The following CNTNAP5 variants were observed in gnomAD, a reference collection of about 807,000 sequenced individuals.
The protein encoded by CNTNAP5 is contactin-associated protein-like 5.
A neutral mutation model predicts 150.2 loss-of-function variants in CNTNAP5; 72 were observed. The observed-to-expected ratio is 0.48, with a 90% CI of 0.40 to 0.58. The LOEUF is 0.58. CNTNAP5 is among the 20% of genes least tolerant of loss of function. The pLI, the probability that CNTNAP5 is intolerant of heterozygous loss-of-function variation, is 0.00. For missense variants in CNTNAP5, 1,636 were observed against 1,626.2 expected (o/e 1.01, Z -0.10); for synonymous variants, 672 against 619.8 (o/e 1.08, Z -1.25).
intron 19 of CNTNAP5, among the ~76,000 whole-genome samples, chr2:124,850,034 T>A (rs1210394604): frequency 3.3e-5 from 5 of 152,194 alleles, no homozygotes; most frequent in Non-Finnish European, 7.3e-5. Context: ...GACCTACAGT[T>A]GTCCCATATG....
At chr2:124,220,238 T>G (rs1483904706) in intron 1 of CNTNAP5, among the ~76,000 whole-genome samples, 1 of 152,100 alleles carries the variant, frequency 6.6e-6, no homozygotes, top group Non-Finnish European at 1.5e-5. Context: ...AAATTTGTTT[T>G]GAGTGAGGTA....
chr2:124,058,687 C>T (rs1681922018), intron 1 of CNTNAP5, among the ~76,000 whole-genome samples: 1 of 152,136 alleles, frequency 6.6e-6, no homozygotes, highest in Non-Finnish European at 1.5e-5. Context: ...ATGCATGGCA[C>T]ATATTAGGTG....
intron 6 of CNTNAP5, among the ~76,000 whole-genome samples, chr2:124,463,153 G>A (rs940842055): frequency 8.5e-5 from 13 of 152,176 alleles, no homozygotes; most frequent in Non-Finnish European, 8.8e-5. Context: ...CACTGGCCTG[G>A]GTATAAGGGG....
In CNTNAP5 at chr2:124,920,440, C is replaced by T. The variant is rs1198564344; in HGVS notation, c.*6152C>T. 6.6e-6 allele frequency among the ~76,000 whole-genome samples: 1 copy of T among 152,110 alleles called. No individual in the cohort carries two copies. ...ATGAAATATTCACCTAGTCTATTCT[C>T]TTTGAAAGGTAGTATCAACCTGTGT... is the stretch of plus-strand genomic sequence containing the variant. On this transcript the variant is annotated 3_prime_UTR_variant, in exon 24 of 24. Coordinates refer to ENST00000682447, the MANE Select transcript of CNTNAP5 (RefSeq NM_001367498.1).
intron 12 of CNTNAP5, among the ~76,000 whole-genome samples, chr2:124,624,282 T>C (rs1488404219): frequency 2.6e-5 from 4 of 152,246 alleles, no homozygotes; most frequent in Non-Finnish European, 4.4e-5. Flanking sequence ...TCCTTTCACA[T>C]ACCCGTTTTA....
chr2:124,263,160 T>C (rs1302622125), intron 3 of CNTNAP5, among the ~76,000 whole-genome samples: 1 of 152,198 alleles, frequency 6.6e-6, no homozygotes, highest in Non-Finnish European at 1.5e-5. Context: ...TTTGGGTATA[T>C]ACCCAGTAAT....
chr2:124,152,754 A>T (rs1329864658), intron 1 of CNTNAP5, among the ~76,000 whole-genome samples: 3 of 152,216 alleles, frequency 2.0e-5, no homozygotes, highest in Admixed American at 1.3e-4. Context: ...GACAGAACAG[A>T]CAAGCAAGCA....
intron 10 of CNTNAP5, among the ~76,000 whole-genome samples, chr2:124,547,967 G>GCCCA (rs1695550430): frequency 6.6e-6 from 1 of 152,128 alleles, no homozygotes; most frequent in African/African-American, 2.4e-5. Flanking sequence ...GCATCTTCGA[G>GCCCA]CCCATGTCTC....
chr2:124,025,593 C>T lies in CNTNAP5; in HGVS notation c.-58C>T, dbSNP rs1316444205. On this transcript the variant is annotated 5_prime_UTR_variant, in exon 1 of 24. Coordinates refer to ENST00000682447, the MANE Select transcript of CNTNAP5 (RefSeq NM_001367498.1). Reference sequence around the variant, plus strand: ...GAGGAGAGAGACAGCGAGAAGAAGCCGCGGCTGGCTACTGCGAATTTGGGA... The same window carrying T: ...GAGGAGAGAGACAGCGAGAAGAAGCTGCGGCTGGCTACTGCGAATTTGGGA... 15 of 1,512,194 alleles carry T rather than the reference C, an allele frequency of 9.9e-6. No homozygotes were observed. The highest frequency in any genetic ancestry group is 1.4e-5 in the Non-Finnish European group (15 of 1,087,502). 93.7% of individuals were successfully genotyped at this position (1,512,194 alleles called of 1,614,324 possible). A position where few individuals can be genotyped will look rare whatever the true frequency, so the allele number is the denominator to read the frequency against.
chr2:124,278,643 A>G (rs974531839), intron 3 of CNTNAP5, among the ~76,000 whole-genome samples: 4 of 152,142 alleles, frequency 2.6e-5, no homozygotes, highest in Admixed American at 6.6e-5. Context: ...ATCAAACCCA[A>G]TCTGCTCATT....
At chr2:124,299,559 A>G (rs12991783) in intron 3 of CNTNAP5, among the ~76,000 whole-genome samples, 102,040 of 152,010 alleles carry the variant, frequency 0.67, 34,537 homozygotes, top group East Asian at 0.88. Flanking sequence ...TGGTGTATAT[A>G]TACCACATTT....
At chr2:124,615,365 G>A (rs889369878) in intron 12 of CNTNAP5, among the ~76,000 whole-genome samples, 1 of 152,166 alleles carries the variant, frequency 6.6e-6, no homozygotes, top group African/African-American at 2.4e-5. Context: ...TAAACCTTTT[G>A]TTGTCATTTT....
chr2:124,513,654 A>G (rs965863639), intron 8 of CNTNAP5, among the ~76,000 whole-genome samples: 1 of 152,226 alleles, frequency 6.6e-6, no homozygotes, highest in Non-Finnish European at 1.5e-5. Context: ...AAGAGTTAGT[A>G]GTGATTTTTA....
chr2:124,220,903 A>G (rs1051162035), intron 1 of CNTNAP5, among the ~76,000 whole-genome samples: 1 of 152,154 alleles, frequency 6.6e-6, no homozygotes, highest in Non-Finnish European at 1.5e-5. Flanking sequence ...ACAATATACT[A>G]AGAGTGAAGA....
chr2:124,737,989 A>G lies in CNTNAP5; in HGVS notation c.2078-9240A>G, dbSNP rs573864171. ...AATTCTGGATGTTTTTATTAGTATC[A>G]TGAGTCTAAATATACACAATGGCTT... is the stretch of plus-strand genomic sequence containing the variant. On this transcript the variant is annotated intron_variant, in intron 13 of 23. Coordinates refer to ENST00000682447, the MANE Select transcript of CNTNAP5 (RefSeq NM_001367498.1). Among the ~76,000 whole-genome samples the G allele has an allele frequency of 3.3e-5, 5 of 152,306 alleles. 1 individual carries two copies. The highest frequency in any genetic ancestry group is 1.2e-4 in the African/African-American group (5 of 41,566).
intron 1 of CNTNAP5, among the ~76,000 whole-genome samples, chr2:124,070,092 A>C (rs1354395233): frequency 6.6e-6 from 1 of 152,150 alleles, no homozygotes; most frequent in Non-Finnish European, 1.5e-5. Context: ...TTGTTTACGC[A>C]ATTAGTGTTA....
intron 6 of CNTNAP5, among the ~76,000 whole-genome samples, chr2:124,449,789 G>T (rs1386487803): frequency 6.6e-6 from 1 of 152,242 alleles, no homozygotes; most frequent in Admixed American, 6.5e-5. Flanking sequence ...AAGATAGATT[G>T]GCTGTAATAG....
chr2:124,357,168 G>A (rs1329340262), intron 3 of CNTNAP5, among the ~76,000 whole-genome samples: 1 of 151,986 alleles, frequency 6.6e-6, no homozygotes, highest in Non-Finnish European at 1.5e-5. Context: ...TTTTTTTCTT[G>A]TAAATTTGTT....
At position 124,529,688 on chromosome 2, in the gene CNTNAP5, T is replaced by G. The variant is rs150252240; in HGVS notation, c.1649+2232T>G. Among the ~76,000 whole-genome samples the G allele has an allele frequency of 4.9e-3, 740 of 152,302 alleles. 8 individuals carry two copies. Among genetic ancestry groups the G allele is most frequent in the African/African-American group, 0.017 (709 of 41,554 alleles). On this transcript the variant is annotated intron_variant, in intron 10 of 23. Transcript: ENST00000682447. ...TCAGGTTAATTGCAAACTCTTTGCC[T>G]TCAAGGAGCTTGCTACTTGCTGGGA...
Sources: allele counts gnomAD v4.1 joint callset (sites outside exome capture counted in the v4.1 genomes callset), GRCh38; gene constraint gnomAD v4.1.1; transcripts MANE v1.5; gene names NCBI Gene and HGNC (gene_info 2026-07-23, HGNC 2026-07-21).